ERCC1: variants seen among roughly 807,000 people sequenced by gnomAD.
ERCC1 encodes DNA excision repair protein ERCC-1.
Under a neutral mutation model 37.6 loss-of-function variants are expected in ERCC1, and 36 were observed. The observed-to-expected ratio is 0.96, with a 90% CI of 0.73 to 1.26. The LOEUF is 1.26. ERCC1 is among the 50% of genes most tolerant of loss of function. The pLI is 0.00. For synonymous variants in ERCC1, 156 were observed against 162.1 expected, an observed-to-expected ratio of 0.96 and a Z score of 0.28; for missense variants, 349 against 376.5, an observed-to-expected ratio of 0.93 and a Z score of 0.60.
chr19:45,430,756 A>T (rs934971858), intron 1 of ERCC1, among the ~76,000 whole-genome samples: 2 of 152,034 alleles, frequency 1.3e-5, no homozygotes, highest in African/African-American at 4.8e-5. Context: ...ACTCTACTAA[A>T]AATACAAAAA....
rs537500445 is a variant in ERCC1, at chr19:45,423,825, G to T, written c.-52C>A. ...GTTTCAGCGCCGCGAGGCCTCACCT[G>T]CTGGTCTTGGAGCCTCAAGGGAAAG... On this transcript the variant is annotated 5_prime_UTR_variant, in exon 1 of 10. Transcript: ENST00000300853. 4.4e-6 allele frequency: 5 copies of T among 1,134,812 alleles called. No individual in the cohort carries two copies. The African/African-American group carries it at 7.9e-5, about 18-fold the overall frequency. 70.3% of individuals were successfully genotyped at this position (1,134,812 alleles called of 1,614,324 possible). A position where few individuals can be genotyped will look rare whatever the true frequency, so the allele number is the denominator to read the frequency against.
chr19:45,417,850 C>A (rs961543933), intron 5 of ERCC1, among the ~76,000 whole-genome samples: 3 of 152,062 alleles, frequency 2.0e-5, no homozygotes, highest in African/African-American at 7.2e-5. Context: ...TAGGTGCCCA[C>A]CACCATATTT....
At chr19:45,446,995 CTA>C (rs1491442569) in intron 1 of ERCC1, among the ~76,000 whole-genome samples, 1 of 151,588 alleles carries the variant, frequency 6.6e-6, no homozygotes, top group Non-Finnish European at 1.5e-5. Flanking sequence ...GAGACTCTGT[CTA>C]AAAAAAAAGA....
chr19:45,414,801 C>T, intron 7 of ERCC1, 60 bp downstream of exon 7: 2 of 1,239,144 alleles, frequency 1.6e-6, no homozygotes, highest in Non-Finnish European at 2.4e-6. Flanking sequence ...GGAACTGAAG[C>T]TCAACCACCC....
At chr19:45,418,317 C>T (rs1465956627) in intron 5 of ERCC1, among the ~76,000 whole-genome samples, 1 of 152,226 alleles carries the variant, frequency 6.6e-6, no homozygotes, top group Admixed American at 6.5e-5. Context: ...CCACTACACT[C>T]CAGTCTGGGC....
At chr19:45,413,562 C>T in intron 9 of ERCC1, 115 bp downstream of exon 9, 1 of 1,613,626 alleles carries the variant, frequency 6.2e-7, no homozygotes. Flanking sequence ...AGGCGGAAGC[C>T]ACTGTGTCTG....
At chr19:45,435,808 T>G (rs2123586877) in intron 1 of ERCC1, among the ~76,000 whole-genome samples, 1 of 152,156 alleles carries the variant, frequency 6.6e-6, no homozygotes, top group East Asian at 1.9e-4. Flanking sequence ...TCACCCAGGG[T>G]GGAGAGCAGT....
In ERCC1 at chr19:45,435,049, C is replaced by T. The variant is rs528336952; in HGVS notation, c.-7-11668G>A. ...CCACCTGCTTCAGCCTCCCAAAGTG[C>T]TGCAATTACAGGCATGAGCCATGGT... On this transcript the variant is annotated intron_variant, in intron 1 of 8. Transcript: ENST00000423698. 5.1e-4 allele frequency among the ~76,000 whole-genome samples: 78 copies of T among 152,200 alleles called. 1 individual carries two copies. Among genetic ancestry groups the T allele is most frequent in the African/African-American group, 1.9e-3 (78 of 41,530 alleles).
At position 45,420,521 on chromosome 19, in the gene ERCC1, C is replaced by T; in HGVS notation, c.322-94G>A. The T allele has an allele frequency of 1.7e-5, 13 of 757,490 alleles. No homozygotes were observed. The South Asian group carries it at 1.9e-4, about 11-fold the overall frequency. 46.9% of individuals were successfully genotyped at this position (757,490 alleles called of 1,614,324 possible). ...CCTCTTCTTGCACCTCCTCCCTCCT[C>T]CCACCTCTTCCCACACCTCCTGCCT... On this transcript the variant is annotated intron_variant, in intron 3 of 9. Transcript: ENST00000300853. This position sits in a 1 kb window ranked among gnomAD's most constrained non-coding sequence, Gnocchi z 4.8.
At chr19:45,432,882 C>A (rs553454243) in intron 1 of ERCC1, among the ~76,000 whole-genome samples, 2 of 152,192 alleles carry the variant, frequency 1.3e-5, no homozygotes, top group East Asian at 3.9e-4. Context: ...GCCTGACCAA[C>A]ATGACCTGAC....
chr19:45,416,807 A>AGC lies in ERCC1; in HGVS notation c.602+12_602+13dup. On this transcript the variant is annotated intron_variant, in intron 6 of 9. Coordinates refer to ENST00000300853, the MANE Select transcript of ERCC1 (RefSeq NM_001983.4). ...AGGTGGAGCCTGAATGAGGCAGGGA[A>AGC]GCCCTCATCTCACCTCCAGGCGAGG... 6.2e-7 allele frequency: 1 copy of AGC among 1,605,726 alleles called. No individual in the cohort carries two copies. Among genetic ancestry groups the AGC allele is most frequent in the Non-Finnish European group, 8.5e-7 (1 of 1,172,584 alleles).
At chr19:45,443,734 G>A (rs1450527650) in intron 1 of ERCC1, among the ~76,000 whole-genome samples, 2 of 151,838 alleles carry the variant, frequency 1.3e-5, no homozygotes, top group Non-Finnish European at 2.9e-5. Context: ...GCAGGAACCT[G>A]GAAGTGGCAG....
chr19:45,441,019 A>C (rs1975106736), intron 1 of ERCC1, among the ~76,000 whole-genome samples: 1 of 152,180 alleles, frequency 6.6e-6, no homozygotes, highest in Non-Finnish European at 1.5e-5. Context: ...CTGAAATGAC[A>C]GGCATGAGCT....
chr19:45,414,071 A>G (rs1179575893), intron 7 of ERCC1, 37 bp from the exon 8 acceptor site: 1 of 1,561,250 alleles, frequency 6.4e-7, no homozygotes, highest in South Asian at 1.1e-5. Context: ...TCGGAAGAAG[A>G]AAGGCCAGCA....
intron 7 of ERCC1, chr19:45,414,518 G>T: frequency 2.6e-6 from 1 of 381,718 alleles, no homozygotes; most frequent in South Asian, 2.4e-5. Context: ...TGGGCAGAGG[G>T]AACAGAAGGG....
At chr19:45,440,611 G>C (rs1975096335) in intron 1 of ERCC1, among the ~76,000 whole-genome samples, 1 of 152,162 alleles carries the variant, frequency 6.6e-6, no homozygotes, top group Non-Finnish European at 1.5e-5. Context: ...CAGGGTCGGG[G>C]CTCAGGCTGG....
upstream of ERCC1, chr19:45,424,403 T>A (rs1346103556): frequency 1.3e-5 from 2 of 152,066 alleles, no homozygotes; most frequent in African/African-American, 4.8e-5. Flanking sequence ...GGATGGGAGA[T>A]CCCGGGAGAG....
Position 45,408,169 on chromosome 19 carries a change from G to GCTAAGTT in ERCC1, c.*1505_*1506insAACTTAG. ...GGCATGTGCCTCTCTCTGGCTCCCA[G>GCTAAGTT]ATCGTCAAGGGCAAATTGGCAGGCA... On this transcript the variant is annotated 3_prime_UTR_variant, in exon 10 of 10. Coordinates refer to ENST00000300853, the MANE Select transcript of ERCC1 (RefSeq NM_001983.4). The GCTAAGTT allele has an allele frequency of 6.2e-7, 1 of 1,609,554 alleles. No individual in the cohort carries two copies. Among genetic ancestry groups the GCTAAGTT allele is most frequent in the Non-Finnish European group, 8.5e-7 (1 of 1,176,720 alleles).
At chr19:45,417,497 C>G (rs1282119876) in intron 5 of ERCC1, among the ~76,000 whole-genome samples, 1 of 151,986 alleles carries the variant, frequency 6.6e-6, no homozygotes, top group African/African-American at 2.4e-5. Flanking sequence ...ACAGCATGGG[C>G]AAAGGATGGG....
Sources: allele counts gnomAD v4.1 joint callset (sites outside exome capture counted in the v4.1 genomes callset), GRCh38; gene constraint gnomAD v4.1.1; non-coding constraint Gnocchi (gnomAD v3.1); transcripts MANE v1.5; gene names NCBI Gene and HGNC (gene_info 2026-07-23, HGNC 2026-07-21).